The following HNF4G variants were observed in gnomAD, a reference collection of about 807,000 sequenced individuals.
HNF4G encodes hepatocyte nuclear factor 4 gamma, also known as hepatocyte nuclear factor 4-gamma.
Under a neutral mutation model 50.9 loss-of-function variants are expected in HNF4G, and 21 were observed. The observed-to-expected ratio is 0.41, with a 90% CI of 0.29 to 0.59. The LOEUF is 0.59. Among genes scored for constraint, HNF4G ranks in the 20% least tolerant of loss-of-function variants. The pLI is 0.26. For missense variants in HNF4G, 527 were observed against 559.4 expected (o/e 0.94, Z 0.58); for synonymous variants, 198 against 185.6 (o/e 1.07, Z -0.54).
Position 75,543,859 on chromosome 8 carries a change from A to G in HNF4G, c.167A>G (p.Asn56Ser). The G allele has an allele frequency of 6.2e-7, 1 of 1,613,580 alleles. No homozygotes were observed. Among genetic ancestry groups the G allele is most frequent in the African/African-American group, 1.3e-5 (1 of 75,030 alleles). The change falls in exon 2 of 10, where the codon AAC (asparagine) becomes AGC (serine). Residue 56 changes from asparagine (N) to serine (S), a missense_variant. By Grantham distance (46) the Asn-to-Ser change is conservative. Around this residue, in one of 5 missense-constraint regions of HNF4G, gnomAD observed 84 missense variants for 87.1 expected, o/e 0.96. Transcript: ENST00000396423. ...TSMNTTDNGV[N>S]CLCAICGDRA... ...ATGAATACCACAGACAACGGTGTCAACTGTCTGTGTGCTATCTGTGGGGAC... is the reference window on the plus strand; with the variant it reads ...ATGAATACCACAGACAACGGTGTCAGCTGTCTGTGTGCTATCTGTGGGGAC...
At chr8:75,472,058 C>T (rs2130634838) in intron 1 of HNF4G, among the ~76,000 whole-genome samples, 1 of 152,246 alleles carries the variant, frequency 6.6e-6, no homozygotes, top group Non-Finnish European at 1.5e-5. Flanking sequence ...CTGATTCTAG[C>T]ATAGTTCCTA....
At chr8:75,434,795 C>T (rs1023370518) in intron 1 of HNF4G, among the ~76,000 whole-genome samples, 3 of 151,796 alleles carry the variant, frequency 2.0e-5, no homozygotes, top group Non-Finnish European at 4.4e-5. Context: ...TAGCTTTATA[C>T]CTGTACACTT....
At chr8:75,498,632 A>G (rs1233145641) in intron 2 of HNF4G, among the ~76,000 whole-genome samples, 3 of 152,086 alleles carry the variant, frequency 2.0e-5, no homozygotes, top group Non-Finnish European at 2.9e-5. Context: ...TCTTATGAAT[A>G]TAAGTGCAAA....
intron 1 of HNF4G, among the ~76,000 whole-genome samples, chr8:75,451,037 G>T (rs1333893988): frequency 6.6e-6 from 1 of 152,122 alleles, no homozygotes; most frequent in Non-Finnish European, 1.5e-5. Flanking sequence ...AAATTATCAA[G>T]TCTGTAGTAT....
At chr8:75,503,208 GT>G (rs1243211839) in intron 2 of HNF4G, among the ~76,000 whole-genome samples, 1 of 152,138 alleles carries the variant, frequency 6.6e-6, no homozygotes, top group African/African-American at 2.4e-5. Flanking sequence ...AGATAGCCCT[GT>G]GTTTGTGTTT....
chr8:75,560,946 T>C (rs185456095), intron 9 of HNF4G, among the ~76,000 whole-genome samples: 1 of 152,184 alleles, frequency 6.6e-6, no homozygotes, highest in Non-Finnish European at 1.5e-5. Context: ...TGGTACACTG[T>C]AATTAAAACA....
intron 2 of HNF4G, among the ~76,000 whole-genome samples, chr8:75,530,279 T>C (rs190258050): frequency 2.6e-4 from 39 of 152,304 alleles, no homozygotes; most frequent in African/African-American, 8.4e-4. Context: ...AGAGAGGTTC[T>C]ACTTGTCACT....
intron 1 of HNF4G, among the ~76,000 whole-genome samples, chr8:75,443,755 ATCTTTTTTGTAGT>A (rs1256750484): frequency 1.3e-4 from 20 of 152,166 alleles, no homozygotes; most frequent in Non-Finnish European, 2.5e-4. Flanking sequence ...TTCTATGTCA[ATCTTTTTTGTAGT>A]TGTAATAAAT....
intron 2 of HNF4G, among the ~76,000 whole-genome samples, chr8:75,507,131 A>C (rs1430675559): frequency 6.6e-6 from 1 of 152,218 alleles, no homozygotes; most frequent in Non-Finnish European, 1.5e-5. Context: ...GATTATATGT[A>C]AGAACTATAA....
upstream of HNF4G, among the ~76,000 whole-genome samples, chr8:75,538,863 A>C (rs2943547): frequency 6.6e-6 from 1 of 151,916 alleles, no homozygotes; most frequent in African/African-American, 2.4e-5. Context: ...AAAGTACAAT[A>C]GTTTCTAAGA....
chr8:75,446,921 G>T (rs1242328473), intron 1 of HNF4G, among the ~76,000 whole-genome samples: 1 of 127,698 alleles, frequency 7.8e-6, no homozygotes, highest in Non-Finnish European at 1.6e-5. Context: ...CACAGAATTG[G>T]AAAAAACTAC....
chr8:75,531,145 G>A (rs2943586), intron 2 of HNF4G, among the ~76,000 whole-genome samples: 1 of 151,826 alleles, frequency 6.6e-6, no homozygotes, highest in African/African-American at 2.4e-5. Context: ...AACCCTTTGA[G>A]ATAGAAATTC....
intron 2 of HNF4G, among the ~76,000 whole-genome samples, chr8:75,523,362 T>C (rs1806095996): frequency 6.6e-6 from 1 of 152,260 alleles, no homozygotes; most frequent in Non-Finnish European, 1.5e-5. Flanking sequence ...ATTCAACTTC[T>C]TGAATCAATT....
At chr8:75,531,272 TAGAA>T (rs1220890224) in intron 2 of HNF4G, among the ~76,000 whole-genome samples, 4 of 152,080 alleles carry the variant, frequency 2.6e-5, no homozygotes, top group African/African-American at 7.2e-5. Context: ...TAAGTACAGA[TAGAA>T]AGAGCTCATC....
intron 4 of HNF4G, 32 bp downstream of exon 4, chr8:75,551,526 T>G: frequency 7.8e-7 from 1 of 1,279,078 alleles, no homozygotes; most frequent in Non-Finnish European, 1.1e-6. Context: ...CAAACCCTAT[T>G]TAATAAAATC....
intron 2 of HNF4G, among the ~76,000 whole-genome samples, chr8:75,504,255 ACACACACACACACAC>A (rs1563532164): frequency 8.0e-5 from 12 of 149,276 alleles, no homozygotes; most frequent in South Asian, 2.1e-4. Flanking sequence ...ACACACACAC[ACACACACACACACAC>A]ACACACCAAA....
chr8:75,517,810 G>A (rs1379698617), intron 2 of HNF4G, among the ~76,000 whole-genome samples: 1 of 151,982 alleles, frequency 6.6e-6, no homozygotes, highest in East Asian at 1.9e-4. Context: ...GCTCTACTAG[G>A]CAGTGCCCCA....
chr8:75,478,440 T>C (rs888668735), intron 1 of HNF4G, among the ~76,000 whole-genome samples: 1 of 152,366 alleles, frequency 6.6e-6, no homozygotes, highest in African/African-American at 2.4e-5. Context: ...TTCAGTTTTT[T>C]GTACAGCGGA....
chr8:75,495,491 T>TA (rs1812744223), intron 2 of HNF4G: 1 of 152,030 alleles, frequency 6.6e-6, no homozygotes, highest in Non-Finnish European at 1.5e-5. Flanking sequence ...TTGGAACTTG[T>TA]ATGAGGCAAG....
Sources: allele counts gnomAD v4.1 joint callset (sites outside exome capture counted in the v4.1 genomes callset), GRCh38; gene constraint gnomAD v4.1.1; regional missense constraint gnomAD v4.1.1; transcripts MANE v1.5; gene names NCBI Gene and HGNC (gene_info 2026-07-23, HGNC 2026-07-21).